The following WDR41 variants were observed in gnomAD, a reference collection of about 807,000 sequenced individuals.
The protein encoded by WDR41 is WD repeat domain 41, also known as WD repeat-containing protein 41.
In WDR41, 63 loss-of-function variants were observed where a neutral mutation model predicts 69.3. That is an observed-to-expected ratio of 0.91 (90% CI 0.74 to 1.12). The LOEUF is 1.12. WDR41 is among the 50% of genes most tolerant of loss of function. WDR41 has a pLI of 0.00. For synonymous variants in WDR41, 185 were observed against 192.1 expected, an observed-to-expected ratio of 0.96 and a Z score of 0.31; for missense variants, 543 against 534.5, an observed-to-expected ratio of 1.02 and a Z score of -0.16.
At chr5:77,520,593 C>T (rs891874147) in intron 1 of WDR41, among the ~76,000 whole-genome samples, 1 of 152,154 alleles carries the variant, frequency 6.6e-6, no homozygotes, top group Non-Finnish European at 1.5e-5. Flanking sequence ...GCTTTATCCT[C>T]GTAAAATTGA....
At chr5:77,433,496 A>G (rs886915472) in intron 12 of WDR41, among the ~76,000 whole-genome samples, 2 of 152,244 alleles carry the variant, frequency 1.3e-5, no homozygotes, top group Non-Finnish European at 2.9e-5. Flanking sequence ...GTTCAACTAC[A>G]GAATAGCTAT....
At chr5:77,511,673 C>A (rs1287222951) in intron 1 of WDR41, among the ~76,000 whole-genome samples, 1 of 152,148 alleles carries the variant, frequency 6.6e-6, no homozygotes, top group Non-Finnish European at 1.5e-5. Context: ...ATTACATCTG[C>A]AGTTCTATTA....
intron 1 of WDR41, among the ~76,000 whole-genome samples, chr5:77,490,492 A>T (rs1801725562): frequency 6.6e-6 from 1 of 152,232 alleles, no homozygotes; most frequent in South Asian, 2.1e-4. Flanking sequence ...AATTAGGGAC[A>T]ATCATAGGTT....
intron 1 of WDR41, among the ~76,000 whole-genome samples, chr5:77,564,122 A>G (rs376499434): frequency 1.3e-5 from 2 of 152,212 alleles, no homozygotes; most frequent in East Asian, 3.9e-4. Context: ...AGCACCAAAC[A>G]TAGTAGGTGG....
chr5:77,593,192 T>C (rs1284378159), intron 1 of WDR41, among the ~76,000 whole-genome samples: 5 of 152,004 alleles, frequency 3.3e-5, no homozygotes, highest in African/African-American at 1.2e-4. Flanking sequence ...AGGTGCCAGA[T>C]TACACAATAC....
chr5:77,584,401 C>T (rs1744000537), intron 1 of WDR41, among the ~76,000 whole-genome samples: 1 of 151,910 alleles, frequency 6.6e-6, no homozygotes. Context: ...TTGCAATAAA[C>T]CAAAATCAGT....
rs900480407 is a variant in WDR41 at position 77,562,690 on chromosome 5, G to A, written c.42+57789C>T. ...CTTGGCCTATGCATCATATTGGCTA[G>A]GCATCTTGACTACTAAAGGGTATTC... is the stretch of plus-strand genomic sequence containing the variant. On this transcript the variant is annotated intron_variant, in intron 1 of 5. Transcript: ENST00000509971. Among the ~76,000 whole-genome samples, 28 of 152,282 alleles carry A rather than the reference G, an allele frequency of 1.8e-4. 1 individual carries two copies. In the East Asian group the frequency reaches 5.0e-3, roughly 27 times the overall value.
intron 2 of WDR41, among the ~76,000 whole-genome samples, chr5:77,468,745 G>T (rs561338684): frequency 3.3e-5 from 5 of 152,108 alleles, no homozygotes; most frequent in Non-Finnish European, 7.4e-5. Context: ...GGCAGTACAG[G>T]CACCCCAGTG....
chr5:77,505,551 G>A (rs1802092372), intron 1 of WDR41, among the ~76,000 whole-genome samples: 1 of 152,094 alleles, frequency 6.6e-6, no homozygotes, highest in Admixed American at 6.5e-5. Context: ...AAGTTCATAT[G>A]GAACCAAAAA....
At chr5:77,571,443 A>G (rs1743731207) in intron 1 of WDR41, among the ~76,000 whole-genome samples, 1 of 152,078 alleles carries the variant, frequency 6.6e-6, no homozygotes, top group Non-Finnish European at 1.5e-5. Context: ...AAGATGAGGA[A>G]GAGAAAGAGG....
At chr5:77,595,865 G>A (rs1350196182) in intron 1 of WDR41, among the ~76,000 whole-genome samples, 1 of 152,080 alleles carries the variant, frequency 6.6e-6, no homozygotes, top group African/African-American at 2.4e-5. Context: ...TGGAACATCA[G>A]TTTAACTAGA....
chr5:77,486,542 A>C (rs1378600732), intron 2 of WDR41, among the ~76,000 whole-genome samples: 3 of 152,212 alleles, frequency 2.0e-5, no homozygotes, highest in Non-Finnish European at 2.9e-5. Flanking sequence ...TTGGCTGACG[A>C]AACAGCAGCA....
intron 1 of WDR41, among the ~76,000 whole-genome samples, chr5:77,550,999 A>G (rs930342892): frequency 1.3e-5 from 2 of 152,190 alleles, no homozygotes; most frequent in African/African-American, 4.8e-5. Flanking sequence ...GGAGCTAAGC[A>G]TTGGGTAAAC....
chr5:77,465,853 T>C (rs965965871), intron 2 of WDR41, among the ~76,000 whole-genome samples: 3 of 151,978 alleles, frequency 2.0e-5, no homozygotes, highest in Admixed American at 2.0e-4. Flanking sequence ...TACCCCTTTA[T>C]GAGATAACAA....
chr5:77,432,924 A>T lies in WDR41; in HGVS notation c.*211T>A, dbSNP rs530388269. ...AACAGCAGCTCAAAGTCAAATGGAA[A>T]AACTTGTGGTATATTCTTTGGAGGA... On this transcript the variant is annotated 3_prime_UTR_variant, in exon 13 of 13. Coordinates refer to ENST00000296679, the MANE Select transcript of WDR41 (RefSeq NM_018268.4). 1.1e-4 allele frequency: 53 copies of T among 470,030 alleles called. No individual in the cohort carries two copies. The South Asian group carries it at 2.0e-3, about 18-fold the overall frequency. The allele number at this position is 470,030 out of a possible 1,614,324, so 29.1% of individuals were successfully genotyped here.
intron 4 of WDR41, among the ~76,000 whole-genome samples, chr5:77,462,131 C>T (rs1352488362): frequency 2.6e-5 from 4 of 151,960 alleles, no homozygotes; most frequent in East Asian, 1.9e-4. Context: ...AAAATAAGGC[C>T]GGGCGCAGTG....
chr5:77,465,046 A>T (rs2151326318), intron 2 of WDR41, among the ~76,000 whole-genome samples: 1 of 152,350 alleles, frequency 6.6e-6, no homozygotes, highest in Admixed American at 6.5e-5. Flanking sequence ...AGAAATGTAA[A>T]AATAATCTTT....
intron 1 of WDR41, chr5:77,582,486 T>C: frequency 6.2e-7 from 1 of 1,601,388 alleles, no homozygotes; most frequent in Non-Finnish European, 8.5e-7. Context: ...GAAAGAAGTT[T>C]GCCCAAAAGA....
At chr5:77,494,797 C>T (rs60587932), upstream of WDR41, among the ~76,000 whole-genome samples, 9,519 of 152,176 alleles carry the variant, frequency 0.063, 520 homozygotes, top group African/African-American at 0.15. Context: ...ACACAATAAA[C>T]TAATTACATC....
Sources: gnomAD v4.1 joint callset for allele counts (sites outside exome capture counted in the v4.1 genomes callset) on GRCh38, gnomAD v4.1.1 for gene constraint, MANE v1.5 for transcripts, NCBI Gene and HGNC (gene_info 2026-07-23, HGNC 2026-07-21) for gene names.